The following TPST2 variants were observed in gnomAD, a reference collection of about 807,000 sequenced individuals.
TPST2 encodes protein-tyrosine sulfotransferase 2.
In TPST2, 16 loss-of-function variants were observed where a neutral mutation model predicts 27.8. That is an observed-to-expected ratio of 0.58 (90% CI 0.39 to 0.88). The LOEUF is 0.88. Ranked by LOEUF, TPST2 falls within the 40% of genes least tolerant of loss-of-function variation. The pLI, the probability that TPST2 is intolerant of heterozygous loss-of-function variation, is 0.00. For missense variants in TPST2, 464 were observed against 543.1 expected (o/e 0.85, Z 1.45); for synonymous variants, 229 against 231.7 (o/e 0.99, Z 0.10).
chr22:26,524,014 A>G lies in TPST2; in HGVS notation c.*2261T>C, dbSNP rs1953090492. On this transcript the variant is annotated 3_prime_UTR_variant, in exon 7 of 7. Coordinates refer to ENST00000338754, the MANE Select transcript of TPST2 (RefSeq NM_003595.5). ...TTTTTGGGGTGTGTGGTGATGGGAT[A>G]CATAGCTGTCGCCAGATTCTCAAAG... 6.6e-6 allele frequency: 1 copy of G among 152,204 alleles called. No homozygotes were observed. The highest frequency in any genetic ancestry group is 1.5e-5 in the Non-Finnish European group (1 of 68,040). 9.4% of individuals were successfully genotyped at this position (152,204 alleles called of 1,614,324 possible).
Position 26,541,708 on chromosome 22 carries a change from C to G in TPST2, c.-78G>C. On this transcript the variant is annotated 5_prime_UTR_variant, in exon 3 of 7. Transcript: ENST00000338754. This position sits in a 1 kb window ranked among gnomAD's most constrained non-coding sequence, Gnocchi z 5.9. Reference sequence around the variant, plus strand: ...AGCGACAGGTTAGCGGGCAGCCCGCCAGGCTCACATCTGGGGAGAGAGGGG... The same window carrying G: ...AGCGACAGGTTAGCGGGCAGCCCGCGAGGCTCACATCTGGGGAGAGAGGGG... 5 of 1,471,848 alleles carry G rather than the reference C, an allele frequency of 3.4e-6. No individual in the cohort carries two copies. Among genetic ancestry groups the G allele is most frequent in the Non-Finnish European group, 4.5e-6 (5 of 1,118,434 alleles). The allele number at this position is 1,471,848 out of a possible 1,614,324, so 91.2% of individuals were successfully genotyped here.
chr22:26,575,142 G>A (rs1039086558), intron 1 of TPST2, among the ~76,000 whole-genome samples: 14 of 151,986 alleles, frequency 9.2e-5, no homozygotes, highest in Admixed American at 2.0e-4. Flanking sequence ...CAGTTCCCCC[G>A]TGCCCTATGT....
rs758802800 is a variant in TPST2, at chr22:26,540,808, C to G, written c.823G>C (p.Gly275Arg). The part of the protein sequence containing the change: ...LHHEDLIGKP[G>R]GVSLSKIERS... The stretch of plus-strand genomic sequence containing the variant: ...ACTCACTTGGACAGGGAGACACCAC[C>G]GGGCTTGCCAATGAGGTCTTCATGG... The change falls in exon 3 of 7, where the codon GGT (glycine) becomes CGT (arginine). Residue 275 changes from glycine to arginine, a missense_variant. By Grantham distance (125) the Gly-to-Arg change is moderately radical. Transcript: ENST00000338754. 1.3e-6 allele frequency: 2 copies of G among 1,597,802 alleles called. No homozygotes were observed. The highest frequency in any genetic ancestry group is 2.2e-5 in the South Asian group (2 of 89,438).
chr22:26,580,357 G>A (rs910950787), intron 1 of TPST2, among the ~76,000 whole-genome samples: 5 of 152,192 alleles, frequency 3.3e-5, no homozygotes, highest in African/African-American at 1.2e-4. Context: ...CTACATCCCT[G>A]CACCCACATC....
At chr22:26,528,490 G>A (rs2283824) in intron 5 of TPST2, among the ~76,000 whole-genome samples, 57,059 of 152,090 alleles carry the variant, frequency 0.38, 11,209 homozygotes, top group South Asian at 0.43. Context: ...TACTGAACAC[G>A]CACAGATGCA....
intron 5 of TPST2, 96 bp downstream of exon 5, chr22:26,532,599 A>C: frequency 7.5e-7 from 1 of 1,326,060 alleles, no homozygotes; most frequent in Non-Finnish European, 1.1e-6. Context: ...GAAAACCATC[A>C]ACCAGAGTGG....
chr22:26,572,285 G>A (rs1336491859), intron 1 of TPST2, among the ~76,000 whole-genome samples: 2 of 152,138 alleles, frequency 1.3e-5, no homozygotes, highest in Non-Finnish European at 1.5e-5. Flanking sequence ...TCTGCGGGGA[G>A]GCTAAGCAAG....
chr22:26,560,404 G>C (rs181520471), intron 1 of TPST2: 4 of 621,416 alleles, frequency 6.4e-6, no homozygotes, highest in Non-Finnish European at 1.1e-5. Context: ...TATGACTTTT[G>C]TAAGGATTAA....
Position 26,557,628 on chromosome 22 carries a change from T to C in TPST2, c.-160-12953A>G, listed in dbSNP as rs149925693. On this transcript the variant is annotated intron_variant, in intron 1 of 6. Coordinates refer to ENST00000338754, the MANE Select transcript of TPST2 (RefSeq NM_003595.5). ...GAGTTATCCTGGGGACGGTGGGAAA[T>C]TGTGAGCATTGGTCTGGTTGTGACC... 2.0e-3 allele frequency among the ~76,000 whole-genome samples: 308 copies of C among 151,688 alleles called. 1 individual carries two copies. The highest frequency in any genetic ancestry group is 6.8e-3 in the African/African-American group (279 of 41,310).
At chr22:26,560,901 G>A (rs1927053091) in intron 1 of TPST2, 6 of 1,603,946 alleles carry the variant, frequency 3.7e-6, no homozygotes, top group South Asian at 1.1e-5. Flanking sequence ...TGGTGATGTT[G>A]CGAAGAAACT....
chr22:26,523,317 G>A lies in TPST2; in HGVS notation c.*2958C>T, dbSNP rs1924653292. ...TTATATGTTCAAAAATTTAAAGTCT[G>A]GAAGACTATGTACAAACAGAAAATG... On this transcript the variant is annotated 3_prime_UTR_variant, in exon 7 of 7. Transcript: ENST00000338754. 2.0e-5 allele frequency: 3 copies of A among 152,208 alleles called. No individual in the cohort carries two copies. The highest frequency in any genetic ancestry group is 2.0e-4 in the Admixed American group (3 of 15,274). 9.4% of individuals were successfully genotyped at this position (152,208 alleles called of 1,614,324 possible).
At chr22:26,536,900 A>C (rs1296657576) in intron 3 of TPST2, among the ~76,000 whole-genome samples, 1 of 152,132 alleles carries the variant, frequency 6.6e-6, no homozygotes, top group East Asian at 1.9e-4. Context: ...TACAAAAATA[A>C]GCTGGGCATG....
intron 1 of TPST2, among the ~76,000 whole-genome samples, chr22:26,579,719 C>G (rs1017742375): frequency 2.6e-5 from 4 of 151,416 alleles, no homozygotes; most frequent in Non-Finnish European, 2.9e-5. Flanking sequence ...GGCTTGGGGT[C>G]GGCAGCGGGA....
At chr22:26,577,470 G>A (rs1421885868) in intron 1 of TPST2, among the ~76,000 whole-genome samples, 2 of 151,434 alleles carry the variant, frequency 1.3e-5, no homozygotes, top group Admixed American at 6.6e-5. Context: ...TCATCCTCCC[G>A]AGTAGTAGCT....
intron 1 of TPST2, among the ~76,000 whole-genome samples, chr22:26,563,979 A>G (rs1402514601): frequency 6.6e-6 from 1 of 152,122 alleles, no homozygotes; most frequent in African/African-American, 2.4e-5. Flanking sequence ...CTCTCCCTTT[A>G]TATTTCAGCA....
At chr22:26,583,581 C>G (rs1001632784) in intron 1 of TPST2, among the ~76,000 whole-genome samples, 1 of 150,710 alleles carries the variant, frequency 6.6e-6, no homozygotes, top group East Asian at 1.9e-4. Flanking sequence ...TTGTGCCATG[C>G]GCGATGGCTC....
At chr22:26,552,944 C>T (rs1926561189) in intron 1 of TPST2, among the ~76,000 whole-genome samples, 2 of 151,628 alleles carry the variant, frequency 1.3e-5, no homozygotes, top group South Asian at 4.2e-4. Flanking sequence ...CCTGTAGTCC[C>T]AGCTACTCGA....
intron 5 of TPST2, among the ~76,000 whole-genome samples, chr22:26,531,214 C>T (rs1468777037): frequency 1.3e-5 from 2 of 152,140 alleles, no homozygotes; most frequent in Admixed American, 6.6e-5. Flanking sequence ...CCCTCATCTC[C>T]CTACTGTCCT....
At chr22:26,560,570 A>G in intron 1 of TPST2, 1 of 884,850 alleles carries the variant, frequency 1.1e-6, no homozygotes, top group Non-Finnish European at 1.9e-6. Flanking sequence ...AAATGTCATC[A>G]CATGCATTTT....
Sources: gnomAD v4.1 joint callset for allele counts (sites outside exome capture counted in the v4.1 genomes callset) on GRCh38, gnomAD v4.1.1 for gene constraint, Gnocchi (gnomAD v3.1) non-coding constraint, MANE v1.5 for transcripts, NCBI Gene and HGNC (gene_info 2026-07-23, HGNC 2026-07-21) for gene names.